Variants in BICC1 observed in about 807,000 individuals in gnomAD.
BICC1 encodes the protein protein bicaudal C homolog 1.
Under a neutral mutation model 111.0 loss-of-function variants are expected in BICC1, and 43 were observed. The observed-to-expected ratio is 0.39, with a 90% CI of 0.30 to 0.50. The LOEUF (loss-of-function observed/expected upper bound fraction) is 0.50, where lower values mean the gene tolerates loss of function less well. Among genes scored for constraint, BICC1 ranks in the 20% least tolerant of loss-of-function variants. The probability of loss-of-function intolerance (pLI) is 0.88; values close to 1 mark genes in which losing one functional copy is unlikely to be tolerated. For missense variants in BICC1, 1,091 were observed against 1,203.2 expected, an observed-to-expected ratio of 0.91 and a Z score of 1.38; for synonymous variants, 467 against 434.4, an observed-to-expected ratio of 1.07 and a Z score of -0.93.
chr10:58,542,150 C>CAAAA lies in BICC1; in HGVS notation c.190+28830_190+28833dup, dbSNP rs149049552. 9.4e-4 allele frequency among the ~76,000 whole-genome samples: 77 copies of CAAAA among 82,280 alleles called. 1 individual carries two copies. The highest frequency in any genetic ancestry group is 8.8e-3 in the Middle Eastern group (1 of 114). The allele number at this position is 82,280 out of a possible 152,430, so 54.0% of individuals were successfully genotyped here. ...CAGGTGACAGAGCAAGACCCTGTCT[C>CAAAA]AAAAAAAAAAAAAAAACAAAAAAAA... On this transcript the variant is annotated intron_variant, in intron 1 of 20. Transcript: ENST00000373886.
chr10:58,794,165 TTGTGTGTGTGTGTGTGTGTG>T (rs71006206), intron 9 of BICC1, among the ~76,000 whole-genome samples: 67 of 138,296 alleles, frequency 4.8e-4, no homozygotes, highest in African/African-American at 1.6e-3. Flanking sequence ...CTTACATGTT[TTGTGTGTGTGTGTGTGTGTG>T]TGTGTGTGTG....
At chr10:58,775,279 C>A (rs555176898) in intron 3 of BICC1, among the ~76,000 whole-genome samples, 1 of 151,782 alleles carries the variant, frequency 6.6e-6, no homozygotes, top group Non-Finnish European at 1.5e-5. Flanking sequence ...GAGGCTGAGG[C>A]AGGAGATTCA....
rs757808154 is a variant in BICC1 at position 58,702,078 on chromosome 10, T to C, written c.242T>C (p.Met81Thr). The C allele has an allele frequency of 6.2e-7, 1 of 1,611,998 alleles. No individual in the cohort carries two copies. Among genetic ancestry groups the C allele is most frequent in the South Asian group, 1.1e-5 (1 of 90,864 alleles). The change falls in exon 3 of 21, where the codon ATG (methionine) becomes ACG (threonine). Residue 81 changes from methionine to threonine, a missense_variant. By Grantham distance (81) the Met-to-Thr change is moderately conservative. Coordinates refer to ENST00000373886, the MANE Select transcript of BICC1 (RefSeq NM_001080512.3). ...RSGEDFFQKI[M>T]EETNTQIAWP... ...TTCTCTCAATTTTTGTTACAGATCA[T>C]GGAGGAAACAAATACGCAGATTGCT...
chr10:58,779,281 G>A (rs1192541627), intron 3 of BICC1, among the ~76,000 whole-genome samples: 2 of 152,158 alleles, frequency 1.3e-5, no homozygotes, highest in Non-Finnish European at 2.9e-5. Flanking sequence ...GTAGACTCTC[G>A]TCTTTGTATG....
intron 1 of BICC1, among the ~76,000 whole-genome samples, chr10:58,561,394 A>G (rs1455387265): frequency 6.6e-6 from 1 of 151,824 alleles, no homozygotes; most frequent in African/African-American, 2.4e-5. Context: ...CTCTTTGTGT[A>G]GAATATTCTT....
intron 1 of BICC1, among the ~76,000 whole-genome samples, chr10:58,519,544 G>C (rs199576564): frequency 2.6e-5 from 4 of 152,142 alleles, no homozygotes. Flanking sequence ...GGACTGTGCT[G>C]ATAATCTGTA....
At chr10:58,759,344 G>A (rs1057431156) in intron 3 of BICC1, among the ~76,000 whole-genome samples, 1 of 151,996 alleles carries the variant, frequency 6.6e-6, no homozygotes, top group Non-Finnish European at 1.5e-5. Flanking sequence ...TAAACAAAAA[G>A]ATTTATGAAA....
intron 1 of BICC1, among the ~76,000 whole-genome samples, chr10:58,530,280 A>G (rs1033118938): frequency 1.3e-5 from 2 of 151,842 alleles, no homozygotes; most frequent in African/African-American, 2.4e-5. Context: ...AGCCAATACA[A>G]TGATGCACTA....
At chr10:58,603,904 A>G (rs1453543074) in intron 1 of BICC1, among the ~76,000 whole-genome samples, 1 of 152,228 alleles carries the variant, frequency 6.6e-6, no homozygotes, top group Non-Finnish European at 1.5e-5. Context: ...TTAATACTTA[A>G]TAGGTAATTA....
intron 3 of BICC1, among the ~76,000 whole-genome samples, chr10:58,717,890 T>C (rs374882329): frequency 1.3e-5 from 2 of 152,268 alleles, no homozygotes; most frequent in East Asian, 3.9e-4. Context: ...TTGCTCCTCT[T>C]TGCCAATACT....
At chr10:58,636,325 C>G (rs1837953069) in intron 2 of BICC1, among the ~76,000 whole-genome samples, 1 of 152,174 alleles carries the variant, frequency 6.6e-6, no homozygotes, top group South Asian at 2.1e-4. Flanking sequence ...AAAATCTGTG[C>G]TCTTTCAAGA....
chr10:58,586,064 AAGTGAT>A (rs1844418373), intron 1 of BICC1, among the ~76,000 whole-genome samples: 1 of 152,230 alleles, frequency 6.6e-6, no homozygotes, highest in African/African-American at 2.4e-5. Context: ...CTACACTGGA[AAGTGAT>A]AGTTTATACA....
At chr10:58,828,155 T>C (rs1733486544) in intron 20 of BICC1, among the ~76,000 whole-genome samples, 2 of 152,166 alleles carry the variant, frequency 1.3e-5, no homozygotes, top group Non-Finnish European at 2.9e-5. Context: ...TACATGGATT[T>C]TTGACTACAT....
chr10:58,661,856 A>G (rs1168389075), intron 2 of BICC1, among the ~76,000 whole-genome samples: 1 of 152,200 alleles, frequency 6.6e-6, no homozygotes, highest in Non-Finnish European at 1.5e-5. Flanking sequence ...GAAATTTGGT[A>G]TAGTTTTAAA....
intron 2 of BICC1, among the ~76,000 whole-genome samples, chr10:58,691,351 A>G (rs978898806): frequency 6.6e-6 from 1 of 152,218 alleles, no homozygotes; most frequent in Non-Finnish European, 1.5e-5. Context: ...GAGATCTGAT[A>G]GAAGATCTGG....
intron 3 of BICC1, among the ~76,000 whole-genome samples, chr10:58,767,691 C>T (rs899824224): frequency 3.9e-5 from 6 of 152,030 alleles, no homozygotes; most frequent in Non-Finnish European, 5.9e-5. Flanking sequence ...AAAATAAAAT[C>T]AGTGTAAATC....
At chr10:58,597,641 T>G (rs972681460) in intron 1 of BICC1, among the ~76,000 whole-genome samples, 2 of 152,018 alleles carry the variant, frequency 1.3e-5, no homozygotes, top group Non-Finnish European at 2.9e-5. Flanking sequence ...AGTCCTTATC[T>G]CAACCACATA....
Position 58,563,762 on chromosome 10 carries a change from A to G in BICC1, c.190+50429A>G, listed in dbSNP as rs140455371. The stretch of plus-strand genomic sequence containing the variant: ...TTTTCCTTTCATGTCTCTTAGCAAC[A>G]GCAAATAAATTTTCTTTGGATTGCA... On this transcript the variant is annotated intron_variant, in intron 1 of 20. Coordinates refer to ENST00000373886, the MANE Select transcript of BICC1 (RefSeq NM_001080512.3). Among the ~76,000 whole-genome samples, 318 of 152,358 alleles carry G rather than the reference A, an allele frequency of 2.1e-3. 3 individuals are homozygous for G. The highest frequency in any genetic ancestry group is 7.2e-3 in the African/African-American group (299 of 41,590).
intron 8 of BICC1, among the ~76,000 whole-genome samples, chr10:58,790,420 CA>C (rs1843141880): frequency 6.6e-6 from 1 of 152,188 alleles, no homozygotes; most frequent in Non-Finnish European, 1.5e-5. Context: ...ATTTAAGTCA[CA>C]AATTCGAGCG....
Sources: gnomAD v4.1 joint callset for allele counts (sites outside exome capture counted in the v4.1 genomes callset) on GRCh38, gnomAD v4.1.1 for gene constraint, MANE v1.5 for transcripts, NCBI Gene and HGNC (gene_info 2026-07-23, HGNC 2026-07-21) for gene names.